The following EYA1 variants were observed in gnomAD, a reference collection of about 807,000 sequenced individuals.
The protein encoded by EYA1 is protein phosphatase EYA1.
EYA1 carries 16 observed loss-of-function variants against 82.0 expected under a neutral mutation model. That is an observed-to-expected ratio of 0.20 (90% CI 0.13 to 0.30). The LOEUF (loss-of-function observed/expected upper bound fraction) is 0.30. EYA1 is among the 10% of genes least tolerant of loss of function. The pLI, the probability that EYA1 is intolerant of heterozygous loss-of-function variation, is 1.00. For synonymous variants in EYA1, 261 were observed against 264.4 expected, an observed-to-expected ratio of 0.99 and a Z score of 0.12; for missense variants, 633 against 730.7, an observed-to-expected ratio of 0.87 and a Z score of 1.54.
At chr8:71,467,115 TCTC>T (rs1808829324) in intron 2 of EYA1, among the ~76,000 whole-genome samples, 1 of 152,094 alleles carries the variant, frequency 6.6e-6, no homozygotes, top group South Asian at 2.1e-4. Flanking sequence ...GCTGAGTTCT[TCTC>T]CTGAATGTAA....
chr8:71,389,825 G>A (rs2129108498), intron 2 of EYA1, among the ~76,000 whole-genome samples: 1 of 152,180 alleles, frequency 6.6e-6, no homozygotes, highest in South Asian at 2.1e-4. Flanking sequence ...AGTTCAACTG[G>A]CAACTTCAAA....
At chr8:71,278,838 T>C (rs1265475436) in intron 9 of EYA1, among the ~76,000 whole-genome samples, 3 of 152,322 alleles carry the variant, frequency 2.0e-5, no homozygotes, top group East Asian at 3.9e-4. Context: ...GGACTACATA[T>C]GCCAGTAGTG....
At chr8:71,450,837 A>C (rs1364893012) in intron 2 of EYA1, among the ~76,000 whole-genome samples, 1 of 152,246 alleles carries the variant, frequency 6.6e-6, no homozygotes, top group African/African-American at 2.4e-5. Context: ...GAATTAGCCA[A>C]AATTATAACC....
At chr8:71,312,516 G>A (rs934803876) in intron 7 of EYA1, among the ~76,000 whole-genome samples, 1 of 152,158 alleles carries the variant, frequency 6.6e-6, no homozygotes, top group Admixed American at 6.6e-5. Flanking sequence ...GCACGATCTT[G>A]TCTCACTGAA....
chr8:71,289,352 TACTA>T (rs1296345083), intron 9 of EYA1, among the ~76,000 whole-genome samples: 1 of 152,220 alleles, frequency 6.6e-6, no homozygotes, highest in Non-Finnish European at 1.5e-5. Flanking sequence ...ACCCAAAATA[TACTA>T]CATACCTCTT....
At chr8:71,408,536 A>G (rs1830406158) in intron 2 of EYA1, among the ~76,000 whole-genome samples, 1 of 111,238 alleles carries the variant, frequency 9.0e-6, no homozygotes, top group Non-Finnish European at 1.9e-5. Flanking sequence ...AGATCTACCA[A>G]GCAAATGGAA....
At chr8:71,368,739 A>T (rs1029024775) in intron 2 of EYA1, among the ~76,000 whole-genome samples, 21 of 152,186 alleles carry the variant, frequency 1.4e-4, no homozygotes, top group African/African-American at 5.1e-4. Flanking sequence ...CTAACTCACC[A>T]CAAATAAATG....
At chr8:71,232,167 A>T (rs1340126671) in intron 12 of EYA1, among the ~76,000 whole-genome samples, 1 of 152,222 alleles carries the variant, frequency 6.6e-6, no homozygotes, top group Non-Finnish European at 1.5e-5. Flanking sequence ...TGTAAACTGC[A>T]GATAATAAGA....
chr8:71,299,217 G>A lies in EYA1; in HGVS notation c.656C>T (p.Pro219Leu), dbSNP rs756722124. 1.2e-6 allele frequency: 2 copies of A among 1,614,014 alleles called. No homozygotes were observed. The highest frequency in any genetic ancestry group is 1.7e-6 in the Non-Finnish European group (2 of 1,179,960). The change falls in exon 9 of 18, where the codon CCC becomes CTC. Residue 219 changes from proline (P) to leucine (L), a missense_variant. By Grantham distance (98) the Pro-to-Leu change is moderately conservative. Coordinates refer to ENST00000340726, the MANE Select transcript of EYA1 (RefSeq NM_000503.6). ...NSSQQDYPSY[P>L]SFGQGQYAQY... is the part of the protein sequence containing the mutation. ...TGCGTACTGACCCTGGCCAAAACTGGGATAAGACGGATAGTCCTACCAAAT... is the reference window on the plus strand; with the variant it reads ...TGCGTACTGACCCTGGCCAAAACTGAGATAAGACGGATAGTCCTACCAAAT...
intron 3 of EYA1, among the ~76,000 whole-genome samples, chr8:71,340,538 G>A (rs113520579): frequency 2.6e-5 from 4 of 152,104 alleles, no homozygotes; most frequent in African/African-American, 7.2e-5. Flanking sequence ...AATTTTACAC[G>A]TGACTAAATC....
chr8:71,280,034 C>T (rs78279899), intron 9 of EYA1, among the ~76,000 whole-genome samples: 2,350 of 152,288 alleles, frequency 0.015, 46 homozygotes, highest in African/African-American at 0.054. Context: ...GTTTGATACA[C>T]GCACCAGAAC....
At chr8:71,546,195 T>C (rs1453390952) in intron 1 of EYA1, among the ~76,000 whole-genome samples, 1 of 152,184 alleles carries the variant, frequency 6.6e-6, no homozygotes, top group Non-Finnish European at 1.5e-5. Flanking sequence ...CCAGGAAGCC[T>C]TGCACACCTA....
intron 2 of EYA1, 25 bp from the exon 3 acceptor site, chr8:71,354,934 G>C (rs757188133): frequency 3.7e-6 from 6 of 1,610,672 alleles, no homozygotes; most frequent in Non-Finnish European, 5.1e-6. Context: ...CCTTCCATTT[G>C]ACAGATGTAC....
chr8:71,345,594 T>C (rs1196941596), intron 3 of EYA1, among the ~76,000 whole-genome samples: 1 of 152,198 alleles, frequency 6.6e-6, no homozygotes, highest in Non-Finnish European at 1.5e-5. Flanking sequence ...TAAGTCCGAC[T>C]ACAAAACTGC....
chr8:71,423,263 G>T (rs1208126219), intron 2 of EYA1, among the ~76,000 whole-genome samples: 1 of 152,144 alleles, frequency 6.6e-6, no homozygotes, highest in Non-Finnish European at 1.5e-5. Context: ...AAATCTCAAA[G>T]ATTGAATGGA....
At chr8:71,314,215 A>G (rs1269799658) in intron 7 of EYA1, among the ~76,000 whole-genome samples, 1 of 152,182 alleles carries the variant, frequency 6.6e-6, no homozygotes, top group Non-Finnish European at 1.5e-5. Flanking sequence ...ATTAAAAAAC[A>G]TGTATTAAAA....
intron 11 of EYA1, among the ~76,000 whole-genome samples, chr8:71,261,536 G>A (rs1815109293): frequency 6.6e-6 from 1 of 152,154 alleles, no homozygotes; most frequent in Admixed American, 6.5e-5. Flanking sequence ...GATTAGATAC[G>A]TGACACTCGA....
chr8:71,399,641 G>A (rs1293285483), intron 2 of EYA1, among the ~76,000 whole-genome samples: 1 of 152,126 alleles, frequency 6.6e-6, no homozygotes, highest in Non-Finnish European at 1.5e-5. Context: ...GGAAATCAGA[G>A]AGGACACAAA....
chr8:71,426,603 G>A (rs1316646189), intron 2 of EYA1, among the ~76,000 whole-genome samples: 2 of 152,218 alleles, frequency 1.3e-5, no homozygotes, highest in Admixed American at 6.5e-5. Context: ...AATAGCTGAT[G>A]TCTTCATGGG....
Sources: gnomAD v4.1 joint callset for allele counts (sites outside exome capture counted in the v4.1 genomes callset) on GRCh38, gnomAD v4.1.1 for gene constraint, MANE v1.5 for transcripts, NCBI Gene and HGNC (gene_info 2026-07-23, HGNC 2026-07-21) for gene names.